Variants in MAP3K19 observed in about 807,000 individuals in gnomAD.
The protein encoded by MAP3K19 is SPS1/STE20-related protein kinase YSK4.
In MAP3K19, 91 loss-of-function variants were observed where a neutral mutation model predicts 114.4. The observed-to-expected ratio is 0.80, with a 90% CI of 0.67 to 0.95. The LOEUF is 0.95. Among genes scored for constraint, MAP3K19 ranks in the 40% least tolerant of loss-of-function variants. The probability of loss-of-function intolerance (pLI) is 0.00; values close to 1 mark genes in which losing one functional copy is unlikely to be tolerated. For synonymous variants in MAP3K19, 518 were observed against 530.5 expected (o/e 0.98, Z 0.32); for missense variants, 1,471 against 1,573.2 (o/e 0.94, Z 1.10).
In MAP3K19 at chr2:134,986,547, C is replaced by T. The variant is rs1453903685; in HGVS notation, c.2325G>A (p.Glu775=). Residue 775 remains glutamate, a synonymous_variant, in exon 10 of 13, where the codon GAG becomes GAA. Transcript: ENST00000392915. ...GAATTTCATCTTTGGAAGATAGAAACTCATTTCCTGAAGACTTTATCTGCC... is the reference window on the plus strand; with the variant it reads ...GAATTTCATCTTTGGAAGATAGAAATTCATTTCCTGAAGACTTTATCTGCC... ...PDWQIKSSGN[E]FLSSKDEIHP... 6.8e-6 allele frequency: 11 copies of T among 1,614,012 alleles called. No individual in the cohort carries two copies. Among genetic ancestry groups the T allele is most frequent in the East Asian group, 2.2e-5 (1 of 44,894 alleles).
Position 134,987,851 on chromosome 2 carries a change from T to C in MAP3K19, c.1021A>G (p.Ile341Val). ...VSFENLKEGN[I>V]PAVREEDIDC... ...ATATCCTCTTCCCTAACTGCAGGAA[T>C]ATTGCCTTCCTTCAAATTCTCAAAA... Residue 341 changes from isoleucine to valine, a missense_variant, in exon 10 of 13, where the codon ATT becomes GTT. Transcript: ENST00000392915. 6.2e-7 allele frequency: 1 copy of C among 1,611,486 alleles called. No individual in the cohort carries two copies. Among genetic ancestry groups the C allele is most frequent in the South Asian group, 1.1e-5 (1 of 91,088 alleles).
chr2:135,030,580 C>T (rs1688356828), intron 2 of MAP3K19, 80 bp from the exon 3 acceptor site: 1 of 152,496 alleles, frequency 6.6e-6, no homozygotes, highest in Non-Finnish European at 1.5e-5. Context: ...CTGACTTAGG[C>T]ATGGCTCTGA....
chr2:134,995,397 G>A (rs1190582606), intron 8 of MAP3K19, among the ~76,000 whole-genome samples: 1 of 151,984 alleles, frequency 6.6e-6, no homozygotes, highest in African/African-American at 2.4e-5. Context: ...AAGGAGGCAA[G>A]GGAATTCCCA....
chr2:135,022,993 C>T (rs1394316124), intron 4 of MAP3K19, among the ~76,000 whole-genome samples: 1 of 152,100 alleles, frequency 6.6e-6, no homozygotes, highest in Admixed American at 6.6e-5. Context: ...CATATGTATC[C>T]CCTCCTGCTA....
chr2:135,035,396 C>A (rs1022261682), intron 2 of MAP3K19, among the ~76,000 whole-genome samples: 12 of 152,118 alleles, frequency 7.9e-5, no homozygotes, highest in Middle Eastern at 3.4e-3. Context: ...GATCCTGTCT[C>A]AAAACAAACA....
In MAP3K19 at chr2:135,005,639, CT is replaced by C. The variant is rs1686759639; in HGVS notation, c.139-109del. On this transcript the variant is annotated intron_variant, in intron 5 of 12. Coordinates refer to ENST00000392915, the MANE Select transcript of MAP3K19 (RefSeq NM_025052.5). Reference sequence around the variant, plus strand: ...GGCTAAAGATTTACACCATGGATTCCTTTTAAATTGGATAAAGTATTTAGGA... The same window carrying C: ...GGCTAAAGATTTACACCATGGATTCCTTTAAATTGGATAAAGTATTTAGGA... 7.6e-6 allele frequency: 6 copies of C among 785,254 alleles called. No homozygotes were observed. The Admixed American group carries it at 1.1e-4, about 14-fold the overall frequency. The allele number at this position is 785,254 out of a possible 1,614,324, so 48.6% of individuals were successfully genotyped here. A position where few individuals can be genotyped will look rare whatever the true frequency, so the allele number is the denominator to read the frequency against.
At chr2:135,033,682 C>G (rs1169610547) in intron 2 of MAP3K19, among the ~76,000 whole-genome samples, 1 of 54,204 alleles carries the variant, frequency 1.8e-5, no homozygotes, top group Non-Finnish European at 3.2e-5. Context: ...CCCGGACGGG[C>G]GGCCGGCCGG....
rs536642534 is a variant in MAP3K19 at position 134,986,427 on chromosome 2, C to T, written c.2445G>A (p.Met815Ile). 2.7e-4 allele frequency: 430 copies of T among 1,613,950 alleles called. 4 individuals are homozygous for T. The South Asian group carries it at 4.3e-3, about 16-fold the overall frequency. ...TGTCTCTATCACCAGTAGACTCTTC[C>T]ATAGAAACTTCTTCAACAATGGATA... is the stretch of plus-strand genomic sequence containing the variant. Reference protein sequence around the residue: ...SDLSIVEEVSMEESTGDRDIS... With the variant: ...SDLSIVEEVSIEESTGDRDIS... The change falls in exon 10 of 13, where the codon ATG becomes ATA. Residue 815 changes from methionine (M) to isoleucine (I), a missense_variant. Transcript: ENST00000392915.
chr2:135,023,894 T>C (rs904195042), intron 4 of MAP3K19, among the ~76,000 whole-genome samples: 2 of 150,392 alleles, frequency 1.3e-5, no homozygotes, highest in African/African-American at 5.0e-5. Flanking sequence ...GTGTCTGTTT[T>C]ATTGAAAAAA....
At chr2:135,015,317 T>C (rs998679229) in intron 5 of MAP3K19, among the ~76,000 whole-genome samples, 2 of 152,222 alleles carry the variant, frequency 1.3e-5, no homozygotes, top group Non-Finnish European at 2.9e-5. Context: ...TCTTTTAATA[T>C]ATTTTGTTGG....
At chr2:134,974,228 C>T (rs1386268349) in intron 12 of MAP3K19, among the ~76,000 whole-genome samples, 1 of 152,032 alleles carries the variant, frequency 6.6e-6, no homozygotes, top group Non-Finnish European at 1.5e-5. Flanking sequence ...CTCAAACTCC[C>T]GACTTTAGGT....
chr2:135,029,232 C>T (rs1338595317), intron 3 of MAP3K19, among the ~76,000 whole-genome samples: 2 of 152,028 alleles, frequency 1.3e-5, no homozygotes, highest in East Asian at 1.9e-4. Flanking sequence ...TAAAATTAGA[C>T]GGGCATGGTG....
At chr2:135,005,854 C>G (rs751142008) in intron 5 of MAP3K19, among the ~76,000 whole-genome samples, 1 of 152,168 alleles carries the variant, frequency 6.6e-6, no homozygotes, top group Non-Finnish European at 1.5e-5. Context: ...GGGTAGGTAA[C>G]TGGAAAGAAT....
At chr2:135,010,823 G>A (rs1687168111) in intron 5 of MAP3K19, among the ~76,000 whole-genome samples, 1 of 151,990 alleles carries the variant, frequency 6.6e-6, no homozygotes, top group Non-Finnish European at 1.5e-5. Flanking sequence ...TAGAGACAAA[G>A]TCTTATTATG....
intron 12 of MAP3K19, among the ~76,000 whole-genome samples, chr2:134,966,910 G>C (rs1683396431): frequency 6.6e-6 from 1 of 152,200 alleles, no homozygotes; most frequent in Non-Finnish European, 1.5e-5. Flanking sequence ...TAAAGAAAGA[G>C]CAATCAGACT....
intron 8 of MAP3K19, among the ~76,000 whole-genome samples, chr2:134,996,271 C>CTTTTTTTTTTTTTTTTT (rs61265758): frequency 7.9e-6 from 1 of 125,818 alleles, no homozygotes; most frequent in African/African-American, 3.0e-5. Context: ...CTTCTTATTT[C>CTTTTTTTTTTTTTTTTT]TTTTTTTTTT....
rs765712333 is a variant in MAP3K19, at chr2:134,987,768, T to A, written c.1104A>T (p.Ser368=). The change falls in exon 10 of 13, where the codon TCA becomes TCT. Residue 368 remains serine (S), a synonymous_variant. Transcript: ENST00000392915. ...KPEEENSQYL[S]SRKNESSVAK... ...CTACTGAACTCTCATTCTTTCTTGA[T>A]GAAAGATATTGAGAGTTCTCTTCTT... 3 of 1,608,146 alleles carry A rather than the reference T, an allele frequency of 1.9e-6. No individual in the cohort carries two copies. Among genetic ancestry groups the A allele is most frequent in the East Asian group, 2.2e-5 (1 of 44,880 alleles).
intron 1 of MAP3K19, among the ~76,000 whole-genome samples, chr2:135,041,436 G>A (rs1011538764): frequency 2.0e-5 from 3 of 151,892 alleles, no homozygotes; most frequent in African/African-American, 7.3e-5. Flanking sequence ...TGCCTCCTGG[G>A]TTCAAGCGAT....
At chr2:134,975,364 C>T (rs561514188) in intron 12 of MAP3K19, among the ~76,000 whole-genome samples, 2 of 152,252 alleles carry the variant, frequency 1.3e-5, no homozygotes, top group East Asian at 3.9e-4. Context: ...GGCCGGTCCT[C>T]AGGTCCTCAT....
Sources: allele counts gnomAD v4.1 joint callset (sites outside exome capture counted in the v4.1 genomes callset), GRCh38; gene constraint gnomAD v4.1.1; transcripts MANE v1.5; gene names NCBI Gene and HGNC (gene_info 2026-07-23, HGNC 2026-07-21).